Variants in ZNF532 observed in about 807,000 individuals in gnomAD.
ZNF532 encodes zinc finger protein 532.
A neutral mutation model predicts 89.3 loss-of-function variants in ZNF532; 22 were observed. The observed-to-expected ratio is 0.25, with a 90% CI of 0.18 to 0.35. The LOEUF (loss-of-function observed/expected upper bound fraction) is 0.35. ZNF532 is among the 10% of genes least tolerant of loss of function. The probability of loss-of-function intolerance (pLI) is 1.00; values close to 1 mark genes in which losing one functional copy is unlikely to be tolerated. For synonymous variants in ZNF532, 606 were observed against 649.6 expected (o/e 0.93, Z 1.02); for missense variants, 1,132 against 1,643.4 (o/e 0.69, Z 5.38).
chr18:58,869,512 C>G (rs751092728), intron 2 of ZNF532, among the ~76,000 whole-genome samples: 2 of 152,136 alleles, frequency 1.3e-5, no homozygotes, highest in Non-Finnish European at 2.9e-5. Context: ...AAACACAAAA[C>G]AACAATAGAA....
intron 4 of ZNF532, among the ~76,000 whole-genome samples, chr18:58,936,434 T>C (rs1603234785): frequency 6.6e-6 from 1 of 152,232 alleles, no homozygotes; most frequent in Non-Finnish European, 1.5e-5. Flanking sequence ...TGAAAGTTGA[T>C]ATGATTAAAG....
chr18:58,981,713 G>A, intron 9 of ZNF532, 96 bp downstream of exon 9: 1 of 1,521,624 alleles, frequency 6.6e-7, no homozygotes, highest in South Asian at 1.2e-5. Flanking sequence ...CATAGTTACA[G>A]TTTTAAAAAT....
chr18:58,961,054 C>T (rs895769440), intron 7 of ZNF532, among the ~76,000 whole-genome samples: 4 of 152,168 alleles, frequency 2.6e-5, no homozygotes, highest in African/African-American at 7.2e-5. Context: ...AAGCTAACAC[C>T]CTTCCTTTGA....
intron 2 of ZNF532, among the ~76,000 whole-genome samples, chr18:58,870,506 G>A (rs1198684877): frequency 6.6e-6 from 1 of 152,184 alleles, no homozygotes; most frequent in Non-Finnish European, 1.5e-5. Context: ...GAGCTGGAAG[G>A]CAGTTGAGGG....
intron 7 of ZNF532, among the ~76,000 whole-genome samples, chr18:58,976,724 G>T (rs940371469): frequency 4.6e-5 from 7 of 152,000 alleles, no homozygotes; most frequent in Non-Finnish European, 8.8e-5. Flanking sequence ...GTAGAGACGG[G>T]GTTTCACCAT....
At chr18:58,948,865 T>C (rs189593454) in intron 6 of ZNF532, among the ~76,000 whole-genome samples, 120 of 152,326 alleles carry the variant, frequency 7.9e-4, no homozygotes, top group Non-Finnish European at 1.3e-3. Context: ...CCGAAGTTTT[T>C]CTTTTCTTGA....
In ZNF532 at chr18:58,985,027, C is replaced by T. The variant is rs1365325950; in HGVS notation, c.*561C>T. The T allele has an allele frequency of 6.5e-6, 1 of 154,288 alleles. No homozygotes were observed. Among genetic ancestry groups the T allele is most frequent in the Non-Finnish European group, 1.4e-5 (1 of 69,332 alleles). 9.6% of individuals were successfully genotyped at this position (154,288 alleles called of 1,614,324 possible). A position where few individuals can be genotyped will look rare whatever the true frequency, so the allele number is the denominator to read the frequency against. On this transcript the variant is annotated 3_prime_UTR_variant, in exon 10 of 10. Coordinates refer to ENST00000591808, the MANE Select transcript of ZNF532 (RefSeq NM_001375912.1). ...TGAGTTCACATTTGAGACAACTGCA[C>T]TCCAGTGTGGACGTGCCTTTGTCTT...
rs545798153 is a variant in ZNF532 at position 58,911,755 on chromosome 18, A to C, written c.-17-6516A>C. ...AGTTAATAAGGAAAAACAAAATTGC[A>C]GTGCTAAATGACGCTGAGGACCTGC... On this transcript the variant is annotated intron_variant, in intron 2 of 9. Coordinates refer to ENST00000591808, the MANE Select transcript of ZNF532 (RefSeq NM_001375912.1). 4.6e-5 allele frequency among the ~76,000 whole-genome samples: 7 copies of C among 152,324 alleles called. No homozygotes were observed. The East Asian group carries it at 1.4e-3, about 29-fold the overall frequency.
At chr18:58,983,214 G>C (rs769591512) in intron 9 of ZNF532, among the ~76,000 whole-genome samples, 1 of 152,178 alleles carries the variant, frequency 6.6e-6, no homozygotes, top group Non-Finnish European at 1.5e-5. Flanking sequence ...GCGGAGAGGA[G>C]GGGCACGTTG....
chr18:58,884,807 G>T (rs1319695245), intron 2 of ZNF532, among the ~76,000 whole-genome samples: 5 of 152,042 alleles, frequency 3.3e-5, no homozygotes, highest in African/African-American at 9.7e-5. Flanking sequence ...AAACAGTAAA[G>T]AAATTTATAA....
chr18:58,952,669 G>A (rs1467935806), intron 6 of ZNF532, among the ~76,000 whole-genome samples: 2 of 152,164 alleles, frequency 1.3e-5, no homozygotes, highest in East Asian at 3.8e-4. Flanking sequence ...GCCTCCTGAA[G>A]TGTTGGAATT....
upstream of ZNF532, chr18:58,863,694 G>T: frequency 6.6e-6 from 1 of 152,182 alleles, no homozygotes; most frequent in South Asian, 1.8e-4. Context: ...AAGGTCATCC[G>T]AGCTGCGGCC....
intron 4 of ZNF532, 131 bp from the exon 5 acceptor site, chr18:58,939,313 AC>A: frequency 1.7e-6 from 1 of 586,774 alleles, no homozygotes; most frequent in African/African-American, 1.9e-5. Flanking sequence ...TAGGAAAAAA[AC>A]TAAAATATAC....
intron 7 of ZNF532, among the ~76,000 whole-genome samples, chr18:58,963,485 G>C (rs2065567001): frequency 6.6e-6 from 1 of 152,090 alleles, no homozygotes; most frequent in Non-Finnish European, 1.5e-5. Flanking sequence ...TGTTACTTTT[G>C]AAAAGAATGG....
chr18:58,920,734 ACGTGTGTGTGTGTGTG>A (rs2060978058), intron 3 of ZNF532, 101 bp downstream of exon 3: 7 of 486,946 alleles, frequency 1.4e-5, no homozygotes, highest in South Asian at 1.3e-4. Context: ...AGTGAAATGG[ACGTGTGTGTGTGTGTG>A]TGTGTGTGTG....
At position 58,981,556 on chromosome 18, in the gene ZNF532, A is replaced by G. The variant is rs767405519; in HGVS notation, c.3350A>G (p.Asp1117Gly). The G allele has an allele frequency of 6.2e-7, 1 of 1,614,082 alleles. No homozygotes were observed. ...CTGATGCATGGCATCAAGGACCCTG[A>G]CCTGAAAGAAATGACAGATGCCACC... is the stretch of plus-strand genomic sequence containing the variant. ...VQLMHGIKDP[D>G]LKEMTDATNE... The change falls in exon 9 of 10, where the codon GAC becomes GGC. Residue 1117 changes from aspartate (D) to glycine (G), a missense_variant. By Grantham distance (94) the Asp-to-Gly change is moderately conservative. Around this residue, in one of 9 missense-constraint regions of ZNF532, gnomAD observed 415 missense variants for 604.8 expected, o/e 0.69. Coordinates refer to ENST00000591808, the MANE Select transcript of ZNF532 (RefSeq NM_001375912.1).
intron 7 of ZNF532, among the ~76,000 whole-genome samples, chr18:58,966,857 A>G (rs1311185635): frequency 3.3e-5 from 5 of 150,320 alleles, no homozygotes; most frequent in African/African-American, 1.2e-4. Flanking sequence ...AACTCACCCG[A>G]GGTTGCTATA....
chr18:58,961,138 C>T (rs953505164), intron 7 of ZNF532, among the ~76,000 whole-genome samples: 1 of 152,150 alleles, frequency 6.6e-6, no homozygotes, highest in Non-Finnish European at 1.5e-5. Flanking sequence ...GCTTGTTCAG[C>T]TAGTTGCTGG....
At chr18:58,975,353 G>A (rs1319752426) in intron 7 of ZNF532, among the ~76,000 whole-genome samples, 1 of 152,240 alleles carries the variant, frequency 6.6e-6, no homozygotes, top group East Asian at 1.9e-4. Context: ...AAGGTGAGAT[G>A]TGGATGCCTT....
Sources: gnomAD v4.1 joint callset for allele counts (sites outside exome capture counted in the v4.1 genomes callset) on GRCh38, gnomAD v4.1.1 for gene constraint, gnomAD v4.1.1 regional missense constraint, MANE v1.5 for transcripts, NCBI Gene and HGNC (gene_info 2026-07-23, HGNC 2026-07-21) for gene names.